Variants in CTTNBP2 observed in about 807,000 individuals in gnomAD.
CTTNBP2 encodes cortactin binding protein 2, also known as cortactin-binding protein 2.
CTTNBP2 carries 108 observed loss-of-function variants against 156.9 expected under a neutral mutation model. The ratio of observed to expected loss-of-function variants is 0.69; its 90% CI spans 0.59 to 0.81. CTTNBP2 has a LOEUF of 0.81. CTTNBP2 is among the 30% of genes least tolerant of loss of function. The pLI, the probability that CTTNBP2 is intolerant of heterozygous loss-of-function variation, is 0.00. For missense variants in CTTNBP2, 1,924 were observed against 2,035.4 expected (o/e 0.95, Z 1.05); for synonymous variants, 767 against 751.8 (o/e 1.02, Z -0.33).
At chr7:117,810,414 T>TCCTG (rs1182718687) in intron 3 of CTTNBP2, among the ~76,000 whole-genome samples, 1 of 151,986 alleles carries the variant, frequency 6.6e-6, no homozygotes, top group African/African-American at 2.4e-5. Context: ...GATCAAAGAG[T>TCCTG]CCTGGTTGCA....
intron 2 of CTTNBP2, among the ~76,000 whole-genome samples, chr7:117,859,887 C>A (rs1803596459): frequency 6.6e-6 from 1 of 152,216 alleles, no homozygotes; most frequent in African/African-American, 2.4e-5. Context: ...ATGCCAACTT[C>A]TGGTTTATGA....
intron 1 of CTTNBP2, among the ~76,000 whole-genome samples, chr7:117,868,175 A>T (rs1173957912): frequency 6.6e-6 from 1 of 152,234 alleles, no homozygotes; most frequent in African/African-American, 2.4e-5. Flanking sequence ...TCAGCTCCAC[A>T]GGCAAGCAGA....
chr7:117,754,915 G>A (rs574069019), intron 12 of CTTNBP2, among the ~76,000 whole-genome samples: 1 of 152,298 alleles, frequency 6.6e-6, no homozygotes, highest in South Asian at 2.1e-4. Context: ...CTAATTTGCA[G>A]TTTTATCATC....
chr7:117,717,944 A>ACTGAAAGATGATTTGTGAAGTCAATTC (rs1027032906), intron 22 of CTTNBP2, 74 bp downstream of exon 22: 1 of 926,870 alleles, frequency 1.1e-6, no homozygotes, highest in African/African-American at 1.6e-5. Context: ...TGTGATTCAC[A>ACTGAAAGATGATTTGTGAAGTCAATTC]CTGAAAGATG....
intron 2 of CTTNBP2, among the ~76,000 whole-genome samples, chr7:117,828,220 C>T (rs991313573): frequency 6.6e-6 from 1 of 152,188 alleles, no homozygotes; most frequent in Non-Finnish European, 1.5e-5. Context: ...ATACCTCCTG[C>T]TACTCCCAGA....
chr7:117,834,841 T>C (rs1308828940), intron 2 of CTTNBP2, among the ~76,000 whole-genome samples: 1 of 152,262 alleles, frequency 6.6e-6, no homozygotes, highest in African/African-American at 2.4e-5. Flanking sequence ...TAGAAATGCA[T>C]GTACTAATTC....
intron 2 of CTTNBP2, among the ~76,000 whole-genome samples, chr7:117,852,900 G>C (rs1005137715): frequency 2.0e-5 from 3 of 152,054 alleles, no homozygotes; most frequent in African/African-American, 4.8e-5. Flanking sequence ...GTTGCCTTTG[G>C]GGGAGAGACA....
At chr7:117,797,763 T>C (rs1168331583) in intron 3 of CTTNBP2, among the ~76,000 whole-genome samples, 3 of 152,018 alleles carry the variant, frequency 2.0e-5, no homozygotes, top group Non-Finnish European at 4.4e-5. Context: ...TTGAAGAGCA[T>C]AGAAAAAAAG....
intron 2 of CTTNBP2, among the ~76,000 whole-genome samples, chr7:117,828,604 G>A (rs1344683522): frequency 1.3e-5 from 2 of 152,206 alleles, no homozygotes; most frequent in South Asian, 2.1e-4. Flanking sequence ...GTAGTGCATA[G>A]GTTAATTGGT....
chr7:117,747,884 C>G (rs989699941), intron 12 of CTTNBP2, among the ~76,000 whole-genome samples: 1 of 152,152 alleles, frequency 6.6e-6, no homozygotes, highest in African/African-American at 2.4e-5. Context: ...GGATTCAGAC[C>G]ATGAGCTAAG....
chr7:117,843,971 G>T (rs1423173829), intron 2 of CTTNBP2, among the ~76,000 whole-genome samples: 1 of 152,132 alleles, frequency 6.6e-6, no homozygotes, highest in African/African-American at 2.4e-5. Context: ...CTGGTCAAAT[G>T]TAACAGCAAG....
intron 10 of CTTNBP2, chr7:117,760,192 T>A: frequency 1.9e-6 from 1 of 534,944 alleles, no homozygotes; most frequent in South Asian, 2.6e-5. Flanking sequence ...TCACAAAGCC[T>A]CATCAACGGC....
intron 2 of CTTNBP2, among the ~76,000 whole-genome samples, chr7:117,856,572 G>C (rs988434811): frequency 2.6e-5 from 4 of 152,054 alleles, no homozygotes; most frequent in African/African-American, 9.7e-5. Context: ...TGTTAAACTG[G>C]CTAATTTTTA....
chr7:117,744,058 T>C (rs1796177645), intron 14 of CTTNBP2, among the ~76,000 whole-genome samples: 1 of 152,124 alleles, frequency 6.6e-6, no homozygotes, highest in Admixed American at 6.5e-5. Context: ...GGTGTATGTA[T>C]TTGTGTGTCT....
intron 1 of CTTNBP2, 48 bp downstream of exon 1, chr7:117,873,287 C>G (rs1053232918): frequency 5.4e-6 from 7 of 1,305,352 alleles, no homozygotes; most frequent in South Asian, 2.1e-5. Flanking sequence ...GCGCCGCCCC[C>G]GGCCCGCGTC....
intron 1 of CTTNBP2, among the ~76,000 whole-genome samples, chr7:117,869,371 A>G (rs2117295968): frequency 6.6e-6 from 1 of 152,264 alleles, no homozygotes; most frequent in South Asian, 2.1e-4. Flanking sequence ...TTTATGACAC[A>G]GCTTCTTGGT....
intron 2 of CTTNBP2, among the ~76,000 whole-genome samples, chr7:117,820,695 A>T (rs1800906405): frequency 6.6e-6 from 1 of 152,126 alleles, no homozygotes; most frequent in African/African-American, 2.4e-5. Context: ...ATGTGACTCT[A>T]TTTCTGGATT....
chr7:117,816,612 A>C (rs1800589840), intron 2 of CTTNBP2, among the ~76,000 whole-genome samples: 1 of 152,170 alleles, frequency 6.6e-6, no homozygotes, highest in Non-Finnish European at 1.5e-5. Context: ...GTAATGAAAC[A>C]TATGTCCAAG....
At chr7:117,754,912 G>T (rs937358786) in intron 12 of CTTNBP2, among the ~76,000 whole-genome samples, 1 of 152,144 alleles carries the variant, frequency 6.6e-6, no homozygotes, top group African/African-American at 2.4e-5. Context: ...ACGCTAATTT[G>T]CAGTTTTATC....
Sources: gnomAD v4.1 joint callset for allele counts (sites outside exome capture counted in the v4.1 genomes callset) on GRCh38, gnomAD v4.1.1 for gene constraint, MANE v1.5 for transcripts, NCBI Gene and HGNC (gene_info 2026-07-23, HGNC 2026-07-21) for gene names.